Variants in GNAT2 observed in about 807,000 individuals in gnomAD.
GNAT2 encodes the protein G protein subunit alpha transducin 2, also known as guanine nucleotide-binding protein G(t) subunit alpha-2.
In GNAT2, 32 loss-of-function variants were observed where a neutral mutation model predicts 40.9. That is an observed-to-expected ratio of 0.78 (90% confidence interval 0.59 to 1.05). GNAT2 has a LOEUF of 1.05. GNAT2 is among the 50% of genes least tolerant of loss of function. The pLI is 0.00. For synonymous variants in GNAT2, 141 were observed against 157.2 expected (o/e 0.90, Z 0.77); for missense variants, 355 against 431.5 (o/e 0.82, Z 1.57).
chr1:109,603,187 A>T lies in GNAT2; in HGVS notation c.*167T>A. On this transcript the variant is annotated 3_prime_UTR_variant, in exon 9 of 9. Coordinates refer to ENST00000679935, the MANE Select transcript of GNAT2 (RefSeq NM_001377295.2). ...CTGTGCTCTTTAAGCTGCAATAGCT[A>T]TCCCACTTTGAAAAGAACGTATGAA... 1.5e-6 allele frequency: 1 copy of T among 650,914 alleles called. No individual in the cohort carries two copies. Among genetic ancestry groups the T allele is most frequent in the Admixed American group, 2.4e-5 (1 of 42,232 alleles). 40.3% of individuals were successfully genotyped at this position (650,914 alleles called of 1,614,324 possible). A position where few individuals can be genotyped will look rare whatever the true frequency, so the allele number is the denominator to read the frequency against.
intron 5 of GNAT2, chr1:109,608,358 C>T (rs1172712076): frequency 1.4e-5 from 7 of 507,028 alleles, no homozygotes; most frequent in South Asian, 4.0e-5. Flanking sequence ...AGGCAGAACA[C>T]GTCTTTTGAA....
At chr1:109,608,984 T>C in intron 4 of GNAT2, 196 bp from the exon 5 acceptor site, 1 of 643,040 alleles carries the variant, frequency 1.6e-6, no homozygotes, top group South Asian at 1.7e-5. Context: ...AGGGTGGCAC[T>C]ATACCCAGCC....
intron 1 of GNAT2, 95 bp from the exon 2 acceptor site, chr1:109,613,018 GC>G: frequency 1.3e-6 from 1 of 746,308 alleles, no homozygotes; most frequent in South Asian, 1.4e-5. Context: ...AGGTGAGAGA[GC>G]AGGCTGTAGG....
In GNAT2 at chr1:109,612,854, C is replaced by T; in HGVS notation, c.17G>A (p.Ser6Asn). MGSGA[S>N]AEDKELAKRS... ...CTTGGCCAGTTCTTTGTCCTCAGCA[C>T]TGGCTCCACTTCCCATATTTGCCGT... Residue 6 changes from serine (S) to asparagine (N), a missense_variant, in exon 2 of 9, where the codon AGT becomes AAT. Ser to Asn is a conservative substitution (Grantham distance 46). Transcript: ENST00000679935. 1 of 1,609,192 alleles carries T rather than the reference C, an allele frequency of 6.2e-7. No individual in the cohort carries two copies. The highest frequency in any genetic ancestry group is 8.5e-7 in the Non-Finnish European group (1 of 1,175,552).
chr1:109,610,416 A>G (rs1442821158), intron 3 of GNAT2, 49 bp downstream of exon 3: 6 of 1,558,988 alleles, frequency 3.8e-6, no homozygotes, highest in Non-Finnish European at 4.4e-6. Flanking sequence ...CACTGGCTGT[A>G]CTGACTTCTT....
intron 1 of GNAT2, among the ~76,000 whole-genome samples, 135 bp downstream of exon 1, chr1:109,619,348 A>G (rs1051307447): frequency 2.0e-5 from 3 of 152,250 alleles, no homozygotes; most frequent in African/African-American, 7.2e-5. Flanking sequence ...AAGTTAGGTA[A>G]CTTGCCCAGT....
At chr1:109,604,175 T>C (rs1432774115) in intron 7 of GNAT2, 71 bp from the exon 8 acceptor site, 1 of 1,230,494 alleles carries the variant, frequency 8.1e-7, no homozygotes, top group Non-Finnish European at 1.2e-6. Flanking sequence ...CCTGCTCTTG[T>C]TCCCCTTGGA....
intron 5 of GNAT2, chr1:109,607,357 A>C (rs1649638641): frequency 6.6e-6 from 1 of 151,384 alleles, no homozygotes; most frequent in African/African-American, 2.4e-5. Flanking sequence ...AGGCTGAGGC[A>C]GGAGAATGGC....
chr1:109,610,229 C>T lies in GNAT2; in HGVS notation c.162-48G>A, dbSNP rs778774528. 2.8e-5 allele frequency: 44 copies of T among 1,597,020 alleles called. No homozygotes were observed. The African/African-American group carries it at 5.1e-4, about 19-fold the overall frequency. ...CTTTAGCTGGACCTGAGTAACCAGA[C>T]CTAAGGGATTAGGAATTTGGGGGTA... On this transcript the variant is annotated intron_variant, in intron 3 of 8. Coordinates refer to ENST00000679935, the MANE Select transcript of GNAT2 (RefSeq NM_001377295.2).
intron 6 of GNAT2, 77 bp downstream of exon 6, chr1:109,606,231 G>T: frequency 6.3e-7 from 1 of 1,575,356 alleles, no homozygotes; most frequent in Non-Finnish European, 8.7e-7. Flanking sequence ...CTTCACCAAA[G>T]GCCAAGAAGC....
rs1271278050 is a variant in GNAT2 at position 109,603,403 on chromosome 1, A to G, written c.1016T>C (p.Val339Ala). 2.5e-6 allele frequency: 4 copies of G among 1,604,614 alleles called. No individual in the cohort carries two copies. Among genetic ancestry groups the G allele is most frequent in the Non-Finnish European group, 3.4e-6 (4 of 1,171,436 alleles). The change falls in exon 9 of 9, where the codon GTT becomes GCT. Residue 339 changes from valine (V) to alanine (A), a missense_variant. Transcript: ENST00000679935. ...GTTTTCTTTGATGATAATATCTGTAACTGCATCAAACACAAATTTGACATT... is the reference window on the plus strand; with the variant it reads ...GTTTTCTTTGATGATAATATCTGTAGCTGCATCAAACACAAATTTGACATT... ...TQNVKFVFDA[V>A]TDIIIKENLK...
Position 109,612,793 on chromosome 1 carries a change from A to G in GNAT2, c.78T>C (p.Asp26=), listed in dbSNP as rs1649837171. ...TGACAGTCTTGGCTTCCTTATCAGCATCCTCCTGCAGCTTCTTTTCTAGCT... is the reference window on the plus strand; with the variant it reads ...TGACAGTCTTGGCTTCCTTATCAGCGTCCTCCTGCAGCTTCTTTTCTAGCT... The part of the protein sequence containing the change: ...SKELEKKLQE[D]ADKEAKTVKL... The change falls in exon 2 of 9, where the codon GAT becomes GAC. Residue 26 remains aspartate, a synonymous_variant. Coordinates refer to ENST00000679935, the MANE Select transcript of GNAT2 (RefSeq NM_001377295.2). 6.2e-7 allele frequency: 1 copy of G among 1,612,390 alleles called. No individual in the cohort carries two copies. Among genetic ancestry groups the G allele is most frequent in the Non-Finnish European group, 8.5e-7 (1 of 1,178,626 alleles).
chr1:109,603,675 G>A (rs1649504541), intron 8 of GNAT2, 131 bp from the exon 9 acceptor site: 3 of 730,578 alleles, frequency 4.1e-6, no homozygotes, highest in Non-Finnish European at 7.4e-6. Context: ...TTTTTGGAGG[G>A]AAGATTCTCT....
intron 1 of GNAT2, chr1:109,614,787 G>A (rs1055231844): frequency 9.9e-5 from 15 of 152,132 alleles, no homozygotes; most frequent in African/African-American, 3.4e-4. Context: ...TTCCTCCTTC[G>A]CACCACCTTT....
intron 1 of GNAT2, chr1:109,617,267 G>C: frequency 6.6e-6 from 1 of 152,220 alleles, no homozygotes; most frequent in East Asian, 1.9e-4. Context: ...CATCACAAGT[G>C]AGCTGAAGTC....
chr1:109,604,266 G>C lies in GNAT2; in HGVS notation c.721-162C>G. On this transcript the variant is annotated intron_variant, in intron 7 of 8. Coordinates refer to ENST00000679935, the MANE Select transcript of GNAT2 (RefSeq NM_001377295.2). ...CCAGAGTAAAGCCAGAGAGATGTGG[G>C]ATCATTCTAGTTCCCTATCTTTCTA... The C allele has an allele frequency of 4.5e-6, 3 of 667,546 alleles. No homozygotes were observed. In the East Asian group the frequency reaches 8.2e-5, roughly 18 times the overall value. The allele number at this position is 667,546 out of a possible 1,614,324, so 41.4% of individuals were successfully genotyped here. A position where few individuals can be genotyped will look rare whatever the true frequency, so the allele number is the denominator to read the frequency against.
At chr1:109,616,650 C>T (rs898235663) in intron 1 of GNAT2, 1 of 152,126 alleles carries the variant, frequency 6.6e-6, no homozygotes, top group African/African-American at 2.4e-5. Flanking sequence ...TAGCATTCAC[C>T]CCTGGTAGGA....
chr1:109,612,332 G>A (rs907814183), intron 2 of GNAT2: 1 of 296,294 alleles, frequency 3.4e-6, no homozygotes, highest in African/African-American at 2.2e-5. Flanking sequence ...GGCACTGACT[G>A]TATGGTGGGA....
chr1:109,606,900 G>T, intron 5 of GNAT2: 1 of 194,968 alleles, frequency 5.1e-6, no homozygotes, highest in Non-Finnish European at 1.1e-5. Flanking sequence ...GATATTTGAT[G>T]CTATTAAGGA....
Sources: allele counts gnomAD v4.1 joint callset (sites outside exome capture counted in the v4.1 genomes callset), GRCh38; gene constraint gnomAD v4.1.1; transcripts MANE v1.5; gene names NCBI Gene and HGNC (gene_info 2026-07-23, HGNC 2026-07-21).